Variants in LRMDA observed in about 807,000 individuals in gnomAD.
LRMDA encodes leucine rich melanocyte differentiation associated, also known as leucine-rich melanocyte differentiation-associated protein.
In LRMDA, 18 loss-of-function variants were observed where a neutral mutation model predicts 29.8. The observed-to-expected ratio is 0.60, with a 90% CI of 0.42 to 0.90. The LOEUF (loss-of-function observed/expected upper bound fraction) is 0.90, where lower values mean the gene tolerates loss of function less well. Among genes scored for constraint, LRMDA ranks in the 40% least tolerant of loss-of-function variants. The probability of loss-of-function intolerance (pLI) is 0.00; values close to 1 mark genes in which losing one functional copy is unlikely to be tolerated. For missense variants in LRMDA, 273 were observed against 273.9 expected, an observed-to-expected ratio of 1.00 and a Z score of 0.02; for synonymous variants, 125 against 109.4, an observed-to-expected ratio of 1.14 and a Z score of -0.89.
intron 2 of LRMDA, among the ~76,000 whole-genome samples, chr10:76,019,305 G>A (rs973403831): frequency 6.6e-6 from 1 of 152,140 alleles, no homozygotes; most frequent in Non-Finnish European, 1.5e-5. Flanking sequence ...TTACATGTTA[G>A]CATACCTGAA....
rs1009230503 is a variant in LRMDA, at chr10:75,837,771, A to T, written c.132-198237A>T. Among the ~76,000 whole-genome samples the T allele has an allele frequency of 6.7e-5, 10 of 149,078 alleles. No individual in the cohort carries two copies. In the East Asian group the frequency reaches 1.8e-3, roughly 26 times the overall value. ...TTTACACATTAAAATAAAAAAAAAA[A>T]TTCCAAGGCTCCTTGGTGTGGACCA... is the stretch of plus-strand genomic sequence containing the variant. On this transcript the variant is annotated intron_variant, in intron 2 of 6. Coordinates refer to ENST00000611255, the MANE Select transcript of LRMDA (RefSeq NM_001305581.2).
intron 2 of LRMDA, among the ~76,000 whole-genome samples, chr10:75,704,149 C>T (rs985294589): frequency 9.9e-5 from 15 of 152,260 alleles, no homozygotes; most frequent in Non-Finnish European, 1.8e-4. Context: ...GTATGAAGTA[C>T]ATCCATAATA....
intron 5 of LRMDA, among the ~76,000 whole-genome samples, chr10:76,147,128 C>G (rs1850339826): frequency 6.6e-6 from 1 of 152,190 alleles, no homozygotes; most frequent in African/African-American, 2.4e-5. Context: ...TTTTTTCCTT[C>G]ATTTCAACTT....
At chr10:75,879,013 T>C (rs550919742) in intron 2 of LRMDA, among the ~76,000 whole-genome samples, 1 of 152,304 alleles carries the variant, frequency 6.6e-6, no homozygotes, top group East Asian at 1.9e-4. Flanking sequence ...CTTACCTAGG[T>C]CTGCTGTCTT....
At chr10:76,359,380 A>G (rs1841281880) in intron 6 of LRMDA, among the ~76,000 whole-genome samples, 1 of 152,206 alleles carries the variant, frequency 6.6e-6, no homozygotes, top group African/African-American at 2.4e-5. Flanking sequence ...TGAGACATTC[A>G]TTAACTTCTA....
At chr10:76,322,157 G>T (rs1016666181) in intron 5 of LRMDA, among the ~76,000 whole-genome samples, 21 of 152,082 alleles carry the variant, frequency 1.4e-4, no homozygotes, top group African/African-American at 4.6e-4. Context: ...TTATTCTTTG[G>T]CAGATACAGT....
chr10:76,111,008 T>C (rs1311261772), intron 5 of LRMDA, among the ~76,000 whole-genome samples: 2 of 152,076 alleles, frequency 1.3e-5, no homozygotes, highest in East Asian at 3.9e-4. Context: ...TCATTCTCCA[T>C]CCACAACGGG....
intron 5 of LRMDA, among the ~76,000 whole-genome samples, chr10:76,148,578 G>T (rs1401418885): frequency 1.3e-5 from 2 of 152,058 alleles, no homozygotes; most frequent in African/African-American, 4.8e-5. Flanking sequence ...CGATTTTCTA[G>T]GTGCCATCTG....
intron 2 of LRMDA, among the ~76,000 whole-genome samples, chr10:75,578,966 A>G (rs1840549065): frequency 6.6e-6 from 1 of 152,216 alleles, no homozygotes; most frequent in African/African-American, 2.4e-5. Context: ...GAAAGCAGGA[A>G]AGATCTAAAA....
chr10:76,056,145 A>G (rs1054362800), intron 4 of LRMDA, among the ~76,000 whole-genome samples: 68 of 152,116 alleles, frequency 4.5e-4, no homozygotes, highest in Non-Finnish European at 4.0e-4. Context: ...CAGGCAGGTC[A>G]TCTCAGTTTC....
At chr10:75,955,237 G>T (rs1053889036) in intron 2 of LRMDA, among the ~76,000 whole-genome samples, 5 of 152,200 alleles carry the variant, frequency 3.3e-5, no homozygotes, top group African/African-American at 1.2e-4. Context: ...TTAAAATTCA[G>T]AATTGCTGAG....
At chr10:75,608,129 T>TATATATATACATACAC (rs11271217) in intron 2 of LRMDA, among the ~76,000 whole-genome samples, 2 of 89,600 alleles carry the variant, frequency 2.2e-5, no homozygotes, top group East Asian at 6.5e-4. Flanking sequence ...TATATATATA[T>TATATATATACATACAC]ACACACACAT....
At chr10:76,043,272 T>C (rs980853010) in intron 3 of LRMDA, among the ~76,000 whole-genome samples, 4 of 152,246 alleles carry the variant, frequency 2.6e-5, no homozygotes, top group Non-Finnish European at 5.9e-5. Context: ...GGTCCCTGCA[T>C]ATTTGTGTTA....
intron 6 of LRMDA, among the ~76,000 whole-genome samples, chr10:76,337,524 C>T (rs1305203795): frequency 6.6e-6 from 1 of 151,838 alleles, no homozygotes; most frequent in Non-Finnish European, 1.5e-5. Flanking sequence ...AGTGCAAGGC[C>T]CTGAGGTGGG....
At position 76,434,146 on chromosome 10, in the gene LRMDA, CTTCT is replaced by C. The variant is rs55646122; in HGVS notation, c.601+109672_601+109675del. 2.8e-4 allele frequency among the ~76,000 whole-genome samples: 42 copies of C among 151,578 alleles called. No homozygotes were observed. The East Asian group carries it at 6.0e-3, about 22-fold the overall frequency. ...GGTAACTGTTGCCTTCTCATATCCT[CTTCT>C]TTCTTTCTTTTTTGTATTCAAGAAC... On this transcript the variant is annotated intron_variant, in intron 6 of 6. Transcript: ENST00000611255.
At chr10:76,078,199 C>T (rs1292650075) in intron 5 of LRMDA, among the ~76,000 whole-genome samples, 2 of 151,188 alleles carry the variant, frequency 1.3e-5, no homozygotes, top group African/African-American at 2.4e-5. Flanking sequence ...TTAGTAGAGA[C>T]GTGTTTTCAC....
chr10:76,428,495 T>G (rs1380434262), intron 6 of LRMDA, among the ~76,000 whole-genome samples: 1 of 152,144 alleles, frequency 6.6e-6, no homozygotes, highest in African/African-American at 2.4e-5. Context: ...CCATCATAGA[T>G]CCATCGATCC....
rs1362903719 is a variant in LRMDA at position 76,468,109 on chromosome 10, A to G, written c.602-89100A>G. On this transcript the variant is annotated intron_variant, in intron 6 of 6. Transcript: ENST00000611255. Reference sequence around the variant, plus strand: ...TGATAGGTCACAAGGGAAGTGTAGCAGCAGGATTAAATCGCTGTAGACTGT... The same window carrying G: ...TGATAGGTCACAAGGGAAGTGTAGCGGCAGGATTAAATCGCTGTAGACTGT... Among the ~76,000 whole-genome samples, 5 of 150,224 alleles carry G rather than the reference A, an allele frequency of 3.3e-5. No homozygotes were observed. In the South Asian group the frequency reaches 1.1e-3, roughly 32 times the overall value.
chr10:76,217,412 A>G (rs1478184935), intron 5 of LRMDA, among the ~76,000 whole-genome samples: 1 of 152,096 alleles, frequency 6.6e-6, no homozygotes, highest in Non-Finnish European at 1.5e-5. Context: ...ACCATAACCA[A>G]TTCTTCTTGT....
Sources: gnomAD v4.1 joint callset for allele counts (sites outside exome capture counted in the v4.1 genomes callset) on GRCh38, gnomAD v4.1.1 for gene constraint, MANE v1.5 for transcripts, NCBI Gene and HGNC (gene_info 2026-07-23, HGNC 2026-07-21) for gene names.